Variants in PPP5C observed in about 807,000 individuals in gnomAD.
PPP5C encodes the protein protein phosphatase 5 catalytic subunit, also known as serine/threonine-protein phosphatase 5.
In PPP5C, 21 loss-of-function variants were observed where a neutral mutation model predicts 66.7. That is an observed-to-expected ratio of 0.31 (90% CI 0.22 to 0.45). The LOEUF (loss-of-function observed/expected upper bound fraction) is 0.45. Among genes scored for constraint, PPP5C ranks in the 20% least tolerant of loss-of-function variants. The pLI is 1.00. For synonymous variants in PPP5C, 246 were observed against 257.4 expected, an observed-to-expected ratio of 0.96 and a Z score of 0.43; for missense variants, 464 against 675.9, an observed-to-expected ratio of 0.69 and a Z score of 3.48.
intron 2 of PPP5C, among the ~76,000 whole-genome samples, chr19:46,375,038 A>G (rs11083822): frequency 0.76 from 114,966 of 152,160 alleles, 44,109 homozygotes; most frequent in South Asian, 0.87. Context: ...GCTGCTGCCC[A>G]CCTGCCCCTG....
chr19:46,387,807 G>A lies in PPP5C; in HGVS notation c.1135+354G>A, dbSNP rs1972917685. 15 of 1,069,712 alleles carry A rather than the reference G, an allele frequency of 1.4e-5. No homozygotes were observed. In the South Asian group the frequency reaches 1.5e-4, roughly 10 times the overall value. The allele number at this position is 1,069,712 out of a possible 1,614,324, so 66.3% of individuals were successfully genotyped here. A position where few individuals can be genotyped will look rare whatever the true frequency, so the allele number is the denominator to read the frequency against. On this transcript the variant is annotated intron_variant, in intron 9 of 12. Transcript: ENST00000012443. ...AGTTCACCCACAGGTGCACACGCAC[G>A]TGCACACTGTGAGTGCTGCAGAGGA...
intron 2 of PPP5C, among the ~76,000 whole-genome samples, chr19:46,359,848 C>T (rs1383493572): frequency 2.0e-5 from 3 of 146,894 alleles, no homozygotes; most frequent in South Asian, 2.2e-4. Context: ...GGCGCAAACT[C>T]GGCTCACTGC....
intron 2 of PPP5C, among the ~76,000 whole-genome samples, chr19:46,368,784 C>T (rs1972534099): frequency 6.6e-6 from 1 of 152,214 alleles, no homozygotes; most frequent in Admixed American, 6.5e-5. Context: ...CATAGCTTAG[C>T]TTCCACTTAC....
At chr19:46,389,404 C>CGGGCAAGAGTAAGACTCCATCTCA (rs1972962248) in intron 11 of PPP5C, among the ~76,000 whole-genome samples, 1 of 26,458 alleles carries the variant, frequency 3.8e-5, no homozygotes, top group African/African-American at 1.1e-4. Context: ...CACACACACA[C>CGGGCAAGAGTAAGACTCCATCTCA]ACACACACAC....
Position 46,383,794 on chromosome 19 carries a change from A to G in PPP5C, c.714A>G (p.Thr238=). 6.2e-7 allele frequency: 1 copy of G among 1,613,272 alleles called. No individual in the cohort carries two copies. The highest frequency in any genetic ancestry group is 8.5e-7 in the Non-Finnish European group (1 of 1,179,506). The change falls in exon 6 of 13, where the codon ACA becomes ACG. Residue 238 remains threonine, a synonymous_variant. Coordinates refer to ENST00000012443, the MANE Select transcript of PPP5C (RefSeq NM_006247.4). This position sits in a 1 kb window ranked among gnomAD's most constrained non-coding sequence, Gnocchi z 5.0. ...TTTTCTTTCAGACAGAGAAGATTAC[A>G]GTATGTGGGGACACCCATGGCCAGT... ...ETTLKETEKI[T]VCGDTHGQFY...
chr19:46,349,421 C>G (rs992970406), intron 1 of PPP5C, among the ~76,000 whole-genome samples: 1 of 152,076 alleles, frequency 6.6e-6, no homozygotes, highest in African/African-American at 2.4e-5. Context: ...CAGCAAAACC[C>G]TGGAGAAGGC....
Position 46,390,480 on chromosome 19 carries a change from T to C in PPP5C, c.*134T>C. 1 of 1,504,652 alleles carries C rather than the reference T, an allele frequency of 6.6e-7. No homozygotes were observed. Among genetic ancestry groups the C allele is most frequent in the Non-Finnish European group, 8.9e-7 (1 of 1,126,480 alleles). The allele number at this position is 1,504,652 out of a possible 1,614,324, so 93.2% of individuals were successfully genotyped here. On this transcript the variant is annotated 3_prime_UTR_variant, in exon 13 of 13. Transcript: ENST00000012443. ...TTTACTTTGTAAAGTTTGTATTTAT[T>C]CCCCTTTAGGTTTGCAGAGGGGGTA... is the stretch of plus-strand genomic sequence containing the variant.
chr19:46,384,969 CTGCA>C, intron 7 of PPP5C, 60 bp downstream of exon 7: 1 of 1,273,702 alleles, frequency 7.9e-7, no homozygotes, highest in Non-Finnish European at 1.1e-6. Context: ...GGCACTCACT[CTGCA>C]AGGATAATAG....
chr19:46,355,897 G>A (rs1462487989), intron 2 of PPP5C, among the ~76,000 whole-genome samples: 6 of 152,114 alleles, frequency 3.9e-5, no homozygotes, highest in Admixed American at 1.3e-4. Flanking sequence ...TCTTCATCTC[G>A]TGTGGGGCTG....
rs916969779 is a variant in PPP5C at position 46,383,001 on chromosome 19, G to A, written c.634-410G>A. On this transcript the variant is annotated intron_variant, in intron 4 of 12. Coordinates refer to ENST00000012443, the MANE Select transcript of PPP5C (RefSeq NM_006247.4). This position sits in a 1 kb window ranked among gnomAD's most constrained non-coding sequence, Gnocchi z 5.0. Reference sequence around the variant, plus strand: ...CGTTGAAAGCACCAGTGTTGCCTATGACCTGCCTTTTTACCTCTTTTTACC... The same window carrying A: ...CGTTGAAAGCACCAGTGTTGCCTATAACCTGCCTTTTTACCTCTTTTTACC... 1.8e-6 allele frequency: 2 copies of A among 1,100,446 alleles called. No homozygotes were observed. Among genetic ancestry groups the A allele is most frequent in the Non-Finnish European group, 2.3e-6 (2 of 873,424 alleles). 68.2% of individuals were successfully genotyped at this position (1,100,446 alleles called of 1,614,324 possible). A position where few individuals can be genotyped will look rare whatever the true frequency, so the allele number is the denominator to read the frequency against.
intron 2 of PPP5C, among the ~76,000 whole-genome samples, chr19:46,364,777 C>G (rs1972462379): frequency 6.6e-6 from 1 of 152,090 alleles, no homozygotes; most frequent in African/African-American, 2.4e-5. Flanking sequence ...ATTGTGTGCA[C>G]AAATACATTA....
intron 1 of PPP5C, among the ~76,000 whole-genome samples, chr19:46,350,430 A>G (rs1294504892): frequency 1.3e-5 from 2 of 152,056 alleles, no homozygotes; most frequent in Non-Finnish European, 1.5e-5. Context: ...AGCCATTGGG[A>G]GGAGCCTGTT....
intron 2 of PPP5C, among the ~76,000 whole-genome samples, chr19:46,369,002 C>T (rs1972537173): frequency 6.6e-6 from 1 of 152,178 alleles, no homozygotes; most frequent in African/African-American, 2.4e-5. Flanking sequence ...CTAATTGGAC[C>T]TAGTGAGCAT....
chr19:46,372,646 C>T (rs563655158), intron 2 of PPP5C, among the ~76,000 whole-genome samples: 16 of 152,334 alleles, frequency 1.1e-4, no homozygotes, highest in African/African-American at 2.4e-4. Flanking sequence ...CATGAGTACT[C>T]GCTGACGAAG....
chr19:46,368,186 C>T (rs1188942731), intron 2 of PPP5C, among the ~76,000 whole-genome samples: 2 of 152,228 alleles, frequency 1.3e-5, no homozygotes, highest in Admixed American at 6.5e-5. Flanking sequence ...AGCCTTACCA[C>T]ACCCCCACTT....
At chr19:46,351,977 T>G in intron 1 of PPP5C, among the ~76,000 whole-genome samples, 1 of 152,188 alleles carries the variant, frequency 6.6e-6, no homozygotes, top group East Asian at 1.9e-4. Flanking sequence ...GTTGTTAGAT[T>G]GTTGCTGGCC....
At chr19:46,375,853 C>A in intron 3 of PPP5C, 102 bp downstream of exon 3, 1 of 1,471,902 alleles carries the variant, frequency 6.8e-7, no homozygotes, top group South Asian at 1.4e-5. Flanking sequence ...GCCCCTTGTT[C>A]TGTCCCCAGG....
In PPP5C at chr19:46,390,744, C is replaced by T; in HGVS notation, c.*398C>T. ...GGTCAGCAGGGGGGCCCCGCCTGCG[C>T]CTCCCCTCCTATAGCCCCATGGTGG... On this transcript the variant is annotated 3_prime_UTR_variant, in exon 13 of 13. Transcript: ENST00000012443. 7.9e-6 allele frequency: 9 copies of T among 1,135,898 alleles called. No homozygotes were observed. Among genetic ancestry groups the T allele is most frequent in the South Asian group, 2.2e-5 (1 of 46,146 alleles). 70.4% of individuals were successfully genotyped at this position (1,135,898 alleles called of 1,614,324 possible).
At chr19:46,361,183 G>T (rs1452411877) in intron 2 of PPP5C, among the ~76,000 whole-genome samples, 1 of 145,152 alleles carries the variant, frequency 6.9e-6, no homozygotes, top group Non-Finnish European at 1.5e-5. Context: ...AGGCTGGAGT[G>T]CAGTGGTGCA....
Sources: gnomAD v4.1 joint callset for allele counts (sites outside exome capture counted in the v4.1 genomes callset) on GRCh38, gnomAD v4.1.1 for gene constraint, Gnocchi (gnomAD v3.1) non-coding constraint, MANE v1.5 for transcripts, NCBI Gene and HGNC (gene_info 2026-07-23, HGNC 2026-07-21) for gene names.